Variants in MBNL1 observed in about 807,000 individuals in gnomAD.
The protein encoded by MBNL1 is muscleblind-like protein 1.
Under a neutral mutation model 42.2 loss-of-function variants are expected in MBNL1, and 8 were observed. The observed-to-expected ratio is 0.19, with a 90% CI of 0.11 to 0.34. The LOEUF (loss-of-function observed/expected upper bound fraction) is 0.34. Ranked by LOEUF, MBNL1 falls within the 10% of genes least tolerant of loss-of-function variation. MBNL1 has a pLI of 1.00. For synonymous variants in MBNL1, 169 were observed against 173.9 expected, an observed-to-expected ratio of 0.97 and a Z score of 0.22; for missense variants, 309 against 495.3, an observed-to-expected ratio of 0.62 and a Z score of 3.57.
chr3:152,411,515 G>A (rs533773378), intron 2 of MBNL1, among the ~76,000 whole-genome samples: 4 of 152,072 alleles, frequency 2.6e-5, no homozygotes, highest in African/African-American at 7.2e-5. Context: ...GCAAGACTCC[G>A]TCTCAAAAAC....
At chr3:152,385,906 TG>T (rs1243101305) in intron 2 of MBNL1, among the ~76,000 whole-genome samples, 3 of 152,068 alleles carry the variant, frequency 2.0e-5, no homozygotes, top group Non-Finnish European at 2.9e-5. Flanking sequence ...TGGCTGGTTA[TG>T]GTCATCTGGC....
At chr3:152,449,188 T>TA (rs1716654569) in intron 6 of MBNL1, 1 of 152,242 alleles carries the variant, frequency 6.6e-6, no homozygotes, top group Non-Finnish European at 1.5e-5. Context: ...TATGTAACTA[T>TA]CATAATCTCT....
intron 2 of MBNL1, among the ~76,000 whole-genome samples, chr3:152,363,324 T>A (rs1401834383): frequency 6.6e-6 from 1 of 152,154 alleles, no homozygotes; most frequent in Non-Finnish European, 1.5e-5. Flanking sequence ...GCCTGATCTT[T>A]GTTTTAAAAT....
chr3:152,252,134 A>ACCTACCTTCCTTCCTT (rs2034659758), intron 2 of MBNL1, among the ~76,000 whole-genome samples: 39 of 102,884 alleles, frequency 3.8e-4, no homozygotes, highest in Admixed American at 2.3e-3. Flanking sequence ...AAACTAACCT[A>ACCTACCTTCCTTCCTT]CCTTCCTTCC....
chr3:152,328,861 A>G (rs752759796), intron 2 of MBNL1, among the ~76,000 whole-genome samples: 34 of 152,332 alleles, frequency 2.2e-4, no homozygotes, highest in Admixed American at 3.9e-4. Flanking sequence ...TTGAGGAAAT[A>G]GCTTAATCTG....
chr3:152,311,679 T>A (rs537584806), intron 2 of MBNL1, among the ~76,000 whole-genome samples: 1 of 151,896 alleles, frequency 6.6e-6, no homozygotes, highest in African/African-American at 2.4e-5. Flanking sequence ...ATTTTAATGA[T>A]GTATTTAAAA....
intron 2 of MBNL1, among the ~76,000 whole-genome samples, chr3:152,310,854 G>A (rs1353515686): frequency 6.6e-6 from 1 of 152,006 alleles, no homozygotes; most frequent in Non-Finnish European, 1.5e-5. Context: ...AGAATTTCAG[G>A]ATTTCAAGAT....
intron 2 of MBNL1, among the ~76,000 whole-genome samples, chr3:152,403,556 T>C (rs959062054): frequency 5.9e-5 from 9 of 152,210 alleles, no homozygotes; most frequent in Admixed American, 2.6e-4. Context: ...TCTGAGACTT[T>C]TCTATTTTAT....
At chr3:152,451,987 A>T (rs559657696) in intron 6 of MBNL1, among the ~76,000 whole-genome samples, 1 of 152,330 alleles carries the variant, frequency 6.6e-6, no homozygotes, top group Admixed American at 6.5e-5. Context: ...TTAGTCTCTC[A>T]ATATCTATTA....
chr3:152,249,462 G>T (rs1487002601), intron 2 of MBNL1, among the ~76,000 whole-genome samples: 1 of 103,092 alleles, frequency 9.7e-6, no homozygotes, highest in Non-Finnish European at 2.3e-5. Context: ...TTTTAATGGG[G>T]TTGTTTGTTT....
chr3:152,419,048 CATAAG>C (rs2098754330), intron 3 of MBNL1, among the ~76,000 whole-genome samples: 1 of 152,030 alleles, frequency 6.6e-6, no homozygotes, highest in Non-Finnish European at 1.5e-5. Flanking sequence ...AATCTCATTT[CATAAG>C]ATGAGAAAAT....
chr3:152,260,354 G>A (rs542304287), intron 2 of MBNL1, among the ~76,000 whole-genome samples: 1 of 152,282 alleles, frequency 6.6e-6, no homozygotes, highest in African/African-American at 2.4e-5. Flanking sequence ...GGGTCAACTG[G>A]ACTGACGGCA....
intron 2 of MBNL1, among the ~76,000 whole-genome samples, chr3:152,257,568 A>G (rs560590174): frequency 6.6e-6 from 1 of 152,302 alleles, no homozygotes; most frequent in African/African-American, 2.4e-5. Flanking sequence ...TTAGTGGCCC[A>G]AGCATTTGTT....
intron 1 of MBNL1, among the ~76,000 whole-genome samples, chr3:152,296,830 A>G (rs545236984): frequency 6.7e-6 from 1 of 148,688 alleles, no homozygotes; most frequent in South Asian, 2.2e-4. Context: ...TAGTTTACCA[A>G]TATTTTTGGA....
At chr3:152,343,425 A>G (rs1234494520) in intron 2 of MBNL1, among the ~76,000 whole-genome samples, 1 of 152,174 alleles carries the variant, frequency 6.6e-6, no homozygotes, top group Admixed American at 6.6e-5. Context: ...CTGCCTTACT[A>G]GATTCTGAAC....
intron 4 of MBNL1, among the ~76,000 whole-genome samples, chr3:152,443,381 T>C (rs2099170012): frequency 6.6e-6 from 1 of 151,934 alleles, no homozygotes; most frequent in Non-Finnish European, 1.5e-5. Context: ...AGAGATCACT[T>C]ATAGACCTTC....
intron 2 of MBNL1, among the ~76,000 whole-genome samples, chr3:152,399,710 C>G (rs957524575): frequency 1.7e-4 from 26 of 152,026 alleles, no homozygotes; most frequent in African/African-American, 5.8e-4. Context: ...ACTATGTAGC[C>G]TAGGCTAGTC....
At chr3:152,298,650 G>A (rs1416993825) in intron 1 of MBNL1, among the ~76,000 whole-genome samples, 1 of 152,194 alleles carries the variant, frequency 6.6e-6, no homozygotes, top group Admixed American at 6.5e-5. Context: ...GCCTGCCTGT[G>A]ATATATTGAC....
intron 3 of MBNL1, among the ~76,000 whole-genome samples, chr3:152,431,930 C>T (rs544762609): frequency 7.2e-5 from 11 of 152,180 alleles, no homozygotes; most frequent in Non-Finnish European, 1.6e-4. Context: ...TATATATCCA[C>T]GAAAGCATTT....
Sources: allele counts gnomAD v4.1 joint callset (sites outside exome capture counted in the v4.1 genomes callset), GRCh38; gene constraint gnomAD v4.1.1; transcripts MANE v1.5; gene names NCBI Gene and HGNC (gene_info 2026-07-23, HGNC 2026-07-21).